The following NKAIN2 variants were observed in gnomAD, a reference collection of about 807,000 sequenced individuals.
NKAIN2 encodes the protein sodium/potassium-transporting ATPase subunit beta-1-interacting protein 2.
Under a neutral mutation model 32.6 loss-of-function variants are expected in NKAIN2, and 14 were observed. The observed-to-expected ratio is 0.43, with a 90% CI of 0.28 to 0.67. The LOEUF (loss-of-function observed/expected upper bound fraction) is 0.67. NKAIN2 is among the 30% of genes least tolerant of loss of function. The pLI is 0.17. For synonymous variants in NKAIN2, 80 were observed against 87.2 expected (o/e 0.92, Z 0.46); for missense variants, 198 against 258.3 (o/e 0.77, Z 1.60).
intron 1 of NKAIN2, among the ~76,000 whole-genome samples, chr6:123,810,984 C>T (rs1404676192): frequency 2.0e-5 from 3 of 152,128 alleles, no homozygotes; most frequent in Non-Finnish European, 1.5e-5. Flanking sequence ...GGGCTAGGAC[C>T]AGAGAATTTG....
At chr6:124,455,931 A>G (rs530194005) in intron 3 of NKAIN2, among the ~76,000 whole-genome samples, 6 of 152,048 alleles carry the variant, frequency 3.9e-5, no homozygotes, top group African/African-American at 1.4e-4. Flanking sequence ...CCCATTTCCT[A>G]CAAGGAAGTG....
At chr6:124,224,381 T>C (rs1582878891) in intron 1 of NKAIN2, among the ~76,000 whole-genome samples, 2 of 152,280 alleles carry the variant, frequency 1.3e-5, no homozygotes, top group Non-Finnish European at 2.9e-5. Flanking sequence ...AACATATTGA[T>C]TAACAAAAGC....
At chr6:123,967,868 G>T (rs1778160595) in intron 1 of NKAIN2, among the ~76,000 whole-genome samples, 1 of 152,060 alleles carries the variant, frequency 6.6e-6, no homozygotes, top group African/African-American at 2.4e-5. Flanking sequence ...GTGCCCTGAG[G>T]AGCCAGTGTG....
At chr6:124,258,314 T>C (rs1016180384) in intron 1 of NKAIN2, among the ~76,000 whole-genome samples, 2 of 152,186 alleles carry the variant, frequency 1.3e-5, no homozygotes, top group African/African-American at 4.8e-5. Flanking sequence ...CAGTGTGCCC[T>C]GTGACAGCAA....
chr6:124,596,005 C>T (rs1044680692), intron 3 of NKAIN2, among the ~76,000 whole-genome samples: 1 of 152,118 alleles, frequency 6.6e-6, no homozygotes, highest in African/African-American at 2.4e-5. Flanking sequence ...GAGCGACTCT[C>T]CTCTCACATT....
At chr6:123,921,501 C>T (rs184029620) in intron 1 of NKAIN2, among the ~76,000 whole-genome samples, 12 of 152,224 alleles carry the variant, frequency 7.9e-5, no homozygotes, top group Non-Finnish European at 1.3e-4. Context: ...GTATCTAACT[C>T]TTTCTTCTTC....
chr6:124,009,918 G>A (rs751548757), intron 1 of NKAIN2, among the ~76,000 whole-genome samples: 1 of 152,008 alleles, frequency 6.6e-6, no homozygotes, highest in African/African-American at 2.4e-5. Flanking sequence ...ATATTTATGT[G>A]TACATAATAT....
chr6:124,563,795 G>A (rs1210945873), intron 3 of NKAIN2, among the ~76,000 whole-genome samples: 7 of 152,050 alleles, frequency 4.6e-5, no homozygotes, highest in Admixed American at 1.3e-4. Context: ...CTCAGCCTCC[G>A]GAGTAGCTGG....
At chr6:124,819,055 A>C (rs1471485541) in intron 6 of NKAIN2, 1 of 533,192 alleles carries the variant, frequency 1.9e-6, no homozygotes, top group East Asian at 1.5e-4. Context: ...CAGACATACA[A>C]TCAGAGCCTG....
chr6:124,812,440 T>G (rs1449968580), intron 5 of NKAIN2, among the ~76,000 whole-genome samples: 1 of 152,140 alleles, frequency 6.6e-6, no homozygotes, highest in Non-Finnish European at 1.5e-5. Context: ...GAGGCTAATG[T>G]AGTAAACAGT....
At chr6:123,933,618 G>A (rs879227990) in intron 1 of NKAIN2, among the ~76,000 whole-genome samples, 3 of 152,214 alleles carry the variant, frequency 2.0e-5, no homozygotes, top group Admixed American at 1.3e-4. Flanking sequence ...AGTAGCGTGA[G>A]CAAGAAAGGA....
intron 1 of NKAIN2, among the ~76,000 whole-genome samples, chr6:123,851,914 C>A (rs1164390891): frequency 6.6e-6 from 1 of 152,004 alleles, no homozygotes; most frequent in African/African-American, 2.4e-5. Flanking sequence ...TTTTAATTTT[C>A]ATTTTATTTT....
intron 3 of NKAIN2, among the ~76,000 whole-genome samples, chr6:124,616,531 C>T (rs1782907758): frequency 7.9e-6 from 1 of 127,104 alleles, no homozygotes; most frequent in South Asian, 2.6e-4. Flanking sequence ...GTGGTGCGAT[C>T]TCGGCTCACT....
chr6:124,124,868 C>T (rs1268021885), intron 1 of NKAIN2, among the ~76,000 whole-genome samples: 4 of 152,114 alleles, frequency 2.6e-5, no homozygotes, highest in African/African-American at 7.2e-5. Flanking sequence ...TGGCCACTAT[C>T]GCCTTTTCCT....
intron 1 of NKAIN2, among the ~76,000 whole-genome samples, chr6:123,908,143 A>C (rs953237804): frequency 6.6e-6 from 1 of 152,172 alleles, no homozygotes; most frequent in Admixed American, 6.6e-5. Context: ...CAACTTCATA[A>C]TGAGTTTCCC....
At chr6:124,336,032 T>C (rs1240072086) in intron 2 of NKAIN2, among the ~76,000 whole-genome samples, 1 of 152,202 alleles carries the variant, frequency 6.6e-6, no homozygotes, top group Non-Finnish European at 1.5e-5. Context: ...GGTTGGGTGT[T>C]TCTCTAGAAA....
In NKAIN2 at chr6:124,348,135, G is replaced by T. The variant is rs986165746; in HGVS notation, c.193-7132G>T. ...TGTTTGCATAGTTAGCAGCAGCATT[G>T]TCTGCAGAACCGTGGATTTTCGTGA... is the stretch of plus-strand genomic sequence containing the variant. On this transcript the variant is annotated intron_variant, in intron 2 of 6. Transcript: ENST00000368417. 6.6e-5 allele frequency among the ~76,000 whole-genome samples: 10 copies of T among 152,182 alleles called. No individual in the cohort carries two copies. In the East Asian group the frequency reaches 9.7e-4, roughly 15 times the overall value.
chr6:124,331,606 A>T (rs1797666201), intron 2 of NKAIN2, among the ~76,000 whole-genome samples: 1 of 151,720 alleles, frequency 6.6e-6, no homozygotes, highest in Admixed American at 6.6e-5. Flanking sequence ...AGGGCTCAGG[A>T]TTTTACAAGT....
intron 4 of NKAIN2, among the ~76,000 whole-genome samples, chr6:124,728,114 C>T (rs1220838837): frequency 6.9e-6 from 1 of 144,902 alleles, no homozygotes; most frequent in Non-Finnish European, 1.5e-5. Flanking sequence ...TAATGGGAGA[C>T]TTTAACACCC....
Sources: allele counts gnomAD v4.1 joint callset (sites outside exome capture counted in the v4.1 genomes callset), GRCh38; gene constraint gnomAD v4.1.1; transcripts MANE v1.5; gene names NCBI Gene and HGNC (gene_info 2026-07-23, HGNC 2026-07-21).